Variants in ETNK2 observed in about 807,000 individuals in gnomAD.
ETNK2 encodes ethanolamine kinase 2, also known as ethanolamine kinase-like protein.
ETNK2 carries 33 observed loss-of-function variants against 46.2 expected under a neutral mutation model. That is an observed-to-expected ratio of 0.71 (90% CI 0.54 to 0.96). ETNK2 has a LOEUF of 0.96. Among genes scored for constraint, ETNK2 ranks in the 40% least tolerant of loss-of-function variants. ETNK2 has a pLI of 0.00. For missense variants in ETNK2, 445 were observed against 509.7 expected (o/e 0.87, Z 1.22); for synonymous variants, 194 against 209.0 (o/e 0.93, Z 0.62).
At chr1:204,149,577 A>AT (rs1404123206) in intron 2 of ETNK2, 126 bp downstream of exon 2, 11 of 1,242,190 alleles carry the variant, frequency 8.9e-6, no homozygotes, top group Middle Eastern at 4.3e-4. Flanking sequence ...ATAAACATGC[A>AT]TTTTTCATGC....
rs561868427 is a variant in ETNK2, at chr1:204,145,081, C to T, written c.641+1561G>A. ...CAGGGTTATTAGGCAATGCCTGGAG[C>T]TCCAGGTGCTTATCTCGTCTAAATG... On this transcript the variant is annotated intron_variant, in intron 3 of 7. Transcript: ENST00000367202. 1.1e-3 allele frequency among the ~76,000 whole-genome samples: 163 copies of T among 152,306 alleles called. 1 individual carries two copies. The highest frequency in any genetic ancestry group is 3.7e-3 in the African/African-American group (152 of 41,574).
chr1:204,151,995 G>C lies in ETNK2; in HGVS notation c.-143C>G, dbSNP rs1658029024. ...CTGCCCGCTTCGATCGCCGGCTCGC[G>C]GCCCGCCGCCCACCGCCGACCCCGG... On this transcript the variant is annotated 5_prime_UTR_variant, in exon 1 of 8. Coordinates refer to ENST00000367202, the MANE Select transcript of ETNK2 (RefSeq NM_018208.4). The surrounding 1 kb of genome is among the most constrained non-coding windows in gnomAD (Gnocchi z 8.0). 2.1e-5 allele frequency: 19 copies of C among 907,548 alleles called. No homozygotes were observed. In the South Asian group the frequency reaches 8.4e-4, roughly 40 times the overall value. The allele number at this position is 907,548 out of a possible 1,614,324, so 56.2% of individuals were successfully genotyped here.
Position 204,151,468 on chromosome 1 carries a change from A to T in ETNK2, c.258+127T>A, listed in dbSNP as rs1023392456. The T allele has an allele frequency of 2.4e-5, 33 of 1,368,774 alleles. No individual in the cohort carries two copies. Among genetic ancestry groups the T allele is most frequent in the Non-Finnish European group, 3.3e-5 (33 of 1,006,482 alleles). The allele number at this position is 1,368,774 out of a possible 1,614,324, so 84.8% of individuals were successfully genotyped here. A position where few individuals can be genotyped will look rare whatever the true frequency, so the allele number is the denominator to read the frequency against. The stretch of plus-strand genomic sequence containing the variant: ...CAATCCGTACACAAACCACGTTCCA[A>T]ACCTTTCTTGCGCAGCAGCCGCGCA... On this transcript the variant is annotated intron_variant, in intron 1 of 7. Transcript: ENST00000367202. This position sits in a 1 kb window ranked among gnomAD's most constrained non-coding sequence, Gnocchi z 8.0.
intron 7 of ETNK2, among the ~76,000 whole-genome samples, chr1:204,133,835 C>T (rs1439576524): frequency 1.3e-5 from 2 of 152,290 alleles, no homozygotes; most frequent in Admixed American, 6.5e-5. Flanking sequence ...CCGGCCTCAC[C>T]GTGCTCTTCA....
Position 204,151,617 on chromosome 1 carries a change from T to G in ETNK2, c.236A>C (p.Lys79Thr). 6.5e-7 allele frequency: 1 copy of G among 1,548,354 alleles called. No homozygotes were observed. Among genetic ancestry groups the G allele is most frequent in the Non-Finnish European group, 8.7e-7 (1 of 1,145,912 alleles). The change falls in exon 1 of 8, where the codon AAA becomes ACA. Residue 79 changes from lysine (K) to threonine (T), a missense_variant. Lys to Thr is a moderately conservative substitution (Grantham distance 78, BLOSUM62 -1). Coordinates refer to ENST00000367202, the MANE Select transcript of ETNK2 (RefSeq NM_018208.4). This position sits in a 1 kb window ranked among gnomAD's most constrained non-coding sequence, Gnocchi z 8.0. ...RLIQELRPHWKPEQVRTKRFT... is the reference protein window; with the variant it reads ...RLIQELRPHWTPEQVRTKRFT... ...TACCTTGGTCCGAACTTGCTCGGGT[T>G]TCCAATGCGGCCGCAGCTCCTGGAT...
chr1:204,142,626 C>T (rs921120779), intron 3 of ETNK2: 1 of 152,334 alleles, frequency 6.6e-6, no homozygotes, highest in Non-Finnish European at 1.5e-5. Context: ...TCCTGTGTCA[C>T]CTGTTTGTGT....
chr1:204,151,509 C>T lies in ETNK2; in HGVS notation c.258+86G>A. ...CAGCCGCGCACCCCTGGGACTGACACCCGGAAGGATGCGAGGACTGGGTCC... is the reference window on the plus strand; with the variant it reads ...CAGCCGCGCACCCCTGGGACTGACATCCGGAAGGATGCGAGGACTGGGTCC... On this transcript the variant is annotated intron_variant, in intron 1 of 7. Transcript: ENST00000367202. The surrounding 1 kb of genome is among the most constrained non-coding windows in gnomAD (Gnocchi z 8.0). The T allele has an allele frequency of 1.3e-6, 2 of 1,523,176 alleles. No individual in the cohort carries two copies. Among genetic ancestry groups the T allele is most frequent in the Admixed American group, 2.1e-5 (1 of 46,874 alleles). The allele number at this position is 1,523,176 out of a possible 1,614,324, so 94.4% of individuals were successfully genotyped here.
intron 7 of ETNK2, among the ~76,000 whole-genome samples, chr1:204,134,038 T>C (rs1416509018): frequency 1.3e-5 from 2 of 152,180 alleles, no homozygotes; most frequent in African/African-American, 4.8e-5. Context: ...AGCGGCTAGC[T>C]ACTGAAGGAG....
chr1:204,150,939 G>T (rs1657978855), intron 1 of ETNK2: 2 of 152,918 alleles, frequency 1.3e-5, no homozygotes, highest in East Asian at 3.9e-4. Flanking sequence ...CCCACAGCGG[G>T]GCTGGAGGTA....
At chr1:204,145,996 G>C (rs1309635399) in intron 3 of ETNK2, among the ~76,000 whole-genome samples, 1 of 152,136 alleles carries the variant, frequency 6.6e-6, no homozygotes, top group African/African-American at 2.4e-5. Flanking sequence ...TGTCTTATCA[G>C]GGAAAGGCAA....
chr1:204,139,958 G>A, intron 5 of ETNK2, 77 bp downstream of exon 5: 4 of 1,169,458 alleles, frequency 3.4e-6, no homozygotes, highest in Non-Finnish European at 5.1e-6. Flanking sequence ...AATCTCATAG[G>A]ACCACCATCT....
In ETNK2 at chr1:204,151,453, A is replaced by AC. The variant is rs1369743487; in HGVS notation, c.258+141dup. On this transcript the variant is annotated intron_variant, in intron 1 of 7. Coordinates refer to ENST00000367202, the MANE Select transcript of ETNK2 (RefSeq NM_018208.4). The surrounding 1 kb of genome is among the most constrained non-coding windows in gnomAD (Gnocchi z 8.0). ...TGGTAGCGACGAAATCAATCCGTAC[A>AC]CAAACCACGTTCCAAACCTTTCTTG... 24 of 1,245,908 alleles carry AC rather than the reference A, an allele frequency of 1.9e-5. No homozygotes were observed. In the East Asian group the frequency reaches 6.1e-4, roughly 32 times the overall value. The allele number at this position is 1,245,908 out of a possible 1,614,324, so 77.2% of individuals were successfully genotyped here. A position where few individuals can be genotyped will look rare whatever the true frequency, so the allele number is the denominator to read the frequency against.
Position 204,140,075 on chromosome 1 carries a change from G to A in ETNK2, c.828C>T (p.Tyr276=). The change falls in exon 5 of 8, where the codon TAC becomes TAT. Residue 276 remains tyrosine, a synonymous_variant. Coordinates refer to ENST00000367202, the MANE Select transcript of ETNK2 (RefSeq NM_018208.4). ...AATGGTTGCCAATGTCAAAAGCTTG[G>A]TAGTTGTAGCCAGCATATTCATAGT... ...FIDYEYAGYN[Y]QAFDIGNHFN... 6.2e-7 allele frequency: 1 copy of A among 1,613,968 alleles called. No homozygotes were observed. The highest frequency in any genetic ancestry group is 1.1e-5 in the South Asian group (1 of 91,082).
chr1:204,131,226 A>C lies in ETNK2; in HGVS notation c.*958T>G, dbSNP rs989630141. Reference sequence around the variant, plus strand: ...GTTTAGTCAGCACCTTTCTGATGGGATCCTGCCCAGGCTCTCCCACGATAG... The same window carrying C: ...GTTTAGTCAGCACCTTTCTGATGGGCTCCTGCCCAGGCTCTCCCACGATAG... On this transcript the variant is annotated 3_prime_UTR_variant, in exon 8 of 8. Coordinates refer to ENST00000367202, the MANE Select transcript of ETNK2 (RefSeq NM_018208.4). This position sits in a 1 kb window ranked among gnomAD's most constrained non-coding sequence, Gnocchi z 4.3. The C allele has an allele frequency of 1.3e-5, 2 of 152,316 alleles. No individual in the cohort carries two copies. The highest frequency in any genetic ancestry group is 4.8e-5 in the African/African-American group (2 of 41,394). The allele number at this position is 152,316 out of a possible 1,614,324, so 9.4% of individuals were successfully genotyped here. A position where few individuals can be genotyped will look rare whatever the true frequency, so the allele number is the denominator to read the frequency against.
intron 4 of ETNK2, 100 bp from the exon 5 acceptor site, chr1:204,140,218 T>A (rs1180838634): frequency 2.2e-6 from 2 of 898,806 alleles, no homozygotes; most frequent in Admixed American, 3.6e-5. Flanking sequence ...CACTGAGTGA[T>A]GCCGGCCTCT....
At chr1:204,146,889 G>A (rs1657808084) in intron 2 of ETNK2, 125 bp from the exon 3 acceptor site, 2 of 1,217,038 alleles carry the variant, frequency 1.6e-6, no homozygotes, top group Non-Finnish European at 1.2e-6. Context: ...CCAAGGATGG[G>A]ATGATTGCAA....
chr1:204,147,506 C>A lies in ETNK2; in HGVS notation c.519-742G>T, dbSNP rs777289711. 2.4e-5 allele frequency: 13 copies of A among 533,304 alleles called. No homozygotes were observed. The African/African-American group carries it at 2.5e-4, about 10-fold the overall frequency. 33.0% of individuals were successfully genotyped at this position (533,304 alleles called of 1,614,324 possible). Reference sequence around the variant, plus strand: ...GATAAAGACCCCATCGCCCGAGGCCCTGTGTCCCAGCTGGGCCCTCCCAGT... The same window carrying A: ...GATAAAGACCCCATCGCCCGAGGCCATGTGTCCCAGCTGGGCCCTCCCAGT... On this transcript the variant is annotated intron_variant, in intron 2 of 7. Transcript: ENST00000367202.
At chr1:204,145,578 G>C (rs1657750079) in intron 3 of ETNK2, among the ~76,000 whole-genome samples, 1 of 152,234 alleles carries the variant, frequency 6.6e-6, no homozygotes, top group Non-Finnish European at 1.5e-5. Flanking sequence ...GCAGGCCTGG[G>C]CCACCTTGGA....
At chr1:204,133,639 C>G (rs1161056086) in intron 7 of ETNK2, among the ~76,000 whole-genome samples, 3 of 151,618 alleles carry the variant, frequency 2.0e-5, no homozygotes, top group Admixed American at 6.6e-5. Context: ...TCACGCCATT[C>G]TCCTGCCTCA....
Sources: gnomAD v4.1 joint callset for allele counts (sites outside exome capture counted in the v4.1 genomes callset) on GRCh38, gnomAD v4.1.1 for gene constraint, Gnocchi (gnomAD v3.1) non-coding constraint, MANE v1.5 for transcripts, NCBI Gene and HGNC (gene_info 2026-07-23, HGNC 2026-07-21) for gene names.